SKA3: variants seen among roughly 807,000 people sequenced by gnomAD.
SKA3 encodes spindle and kinetochore-associated protein 3.
A neutral mutation model predicts 44.2 loss-of-function variants in SKA3; 39 were observed. The ratio of observed to expected loss-of-function variants is 0.88; its 90% CI spans 0.68 to 1.15. The LOEUF is 1.15. Ranked by LOEUF, SKA3 falls within the 50% of genes most tolerant of loss-of-function variation. The pLI is 0.00. For synonymous variants in SKA3, 192 were observed against 172.0 expected, an observed-to-expected ratio of 1.12 and a Z score of -0.91; for missense variants, 511 against 485.8, an observed-to-expected ratio of 1.05 and a Z score of -0.49.
chr13:21,163,166 G>A (rs888135510), intron 4 of SKA3, among the ~76,000 whole-genome samples: 9 of 151,716 alleles, frequency 5.9e-5, no homozygotes, highest in Admixed American at 1.3e-4. Flanking sequence ...AAATTGGAAA[G>A]AACCAAAATA....
intron 3 of SKA3, among the ~76,000 whole-genome samples, chr13:21,171,142 T>C (rs1345482294): frequency 6.6e-6 from 1 of 152,098 alleles, no homozygotes; most frequent in Non-Finnish European, 1.5e-5. Flanking sequence ...TATGTAGCCC[T>C]GGCCTCAAGT....
chr13:21,172,146 T>C (rs7323930), intron 3 of SKA3, 193 bp downstream of exon 3: 345,288 of 369,288 alleles, frequency 0.94, 162,025 homozygotes, highest in East Asian at 1. Flanking sequence ...CAAGGACTGT[T>C]TTTATATTAC....
chr13:21,173,413 C>A (rs888490788), intron 1 of SKA3, among the ~76,000 whole-genome samples: 2 of 152,194 alleles, frequency 1.3e-5, no homozygotes, highest in Non-Finnish European at 2.9e-5. Context: ...TGCGCCACTA[C>A]ATCTGGCTAG....
At chr13:21,167,859 T>A (rs1870801984) in intron 4 of SKA3, 129 bp downstream of exon 4, 1 of 639,030 alleles carries the variant, frequency 1.6e-6, no homozygotes, top group South Asian at 4.7e-5. Flanking sequence ...ATAAAATAAA[T>A]AAATAAATAT....
At chr13:21,160,071 T>C in intron 5 of SKA3, 84 bp from the exon 6 acceptor site, 1 of 966,926 alleles carries the variant, frequency 1.0e-6, no homozygotes, top group Non-Finnish European at 1.5e-6. Context: ...TATTTACATA[T>C]GTAATTATCA....
At chr13:21,155,246 A>G in intron 8 of SKA3, 96 bp from the exon 9 acceptor site, 1 of 899,820 alleles carries the variant, frequency 1.1e-6, no homozygotes, top group South Asian at 2.0e-5. Context: ...TACACTTATA[A>G]AATAATTGAG....
intron 7 of SKA3, 101 bp downstream of exon 7, chr13:21,157,821 A>G: frequency 1.2e-6 from 1 of 807,484 alleles, no homozygotes; most frequent in Non-Finnish European, 1.9e-6. Context: ...ACACTAGCCC[A>G]ATGATAAATA....
In SKA3 at chr13:21,176,486, CA is replaced by C; in HGVS notation, c.-10del. On this transcript the variant is annotated 5_prime_UTR_variant, in exon 1 of 9. Coordinates refer to ENST00000314759, the MANE Select transcript of SKA3 (RefSeq NM_145061.6). ...CTCCGGATAGGGTCCATGCTGAGCACAGCGGGGAAGGACTCCAGGCGTACGC... is the reference window on the plus strand; with the variant it reads ...CTCCGGATAGGGTCCATGCTGAGCACGCGGGGAAGGACTCCAGGCGTACGC... 1 of 1,520,098 alleles carries C rather than the reference CA, an allele frequency of 6.6e-7. No homozygotes were observed. The highest frequency in any genetic ancestry group is 8.8e-7 in the Non-Finnish European group (1 of 1,130,212). 94.2% of individuals were successfully genotyped at this position (1,520,098 alleles called of 1,614,324 possible).
At chr13:21,175,826 G>C (rs1871473750) in intron 1 of SKA3, among the ~76,000 whole-genome samples, 1 of 152,100 alleles carries the variant, frequency 6.6e-6, no homozygotes. Context: ...TTGGCAACAT[G>C]GTTTAGCGGG....
rs1284147021 is a variant in SKA3 at position 21,174,752 on chromosome 13, A to G, written c.103+1623T>C. ...ATAATAATTTTAAAAAAAGAAAAAA[A>G]AAGTGCGTACTGCTCCAACAACAAC... On this transcript the variant is annotated intron_variant, in intron 1 of 8. Coordinates refer to ENST00000314759, the MANE Select transcript of SKA3 (RefSeq NM_145061.6). Among the ~76,000 whole-genome samples the G allele has an allele frequency of 3.2e-5, 4 of 124,844 alleles. No individual in the cohort carries two copies. The East Asian group carries it at 7.4e-4, about 23-fold the overall frequency. 81.9% of individuals were successfully genotyped at this position (124,844 alleles called of 152,430 possible). A position where few individuals can be genotyped will look rare whatever the true frequency, so the allele number is the denominator to read the frequency against.
chr13:21,171,640 T>C (rs1013348972), intron 3 of SKA3, among the ~76,000 whole-genome samples: 2 of 152,152 alleles, frequency 1.3e-5, no homozygotes, highest in African/African-American at 2.4e-5. Context: ...AGTTAATAAT[T>C]AATCTTGGGT....
At chr13:21,167,634 G>A (rs1595302767) in intron 4 of SKA3, among the ~76,000 whole-genome samples, 1 of 151,960 alleles carries the variant, frequency 6.6e-6, no homozygotes, top group East Asian at 1.9e-4. Flanking sequence ...AGGCGTGGTG[G>A]CTGGCGCCTG....
chr13:21,161,516 C>T (rs1181618948), intron 5 of SKA3, among the ~76,000 whole-genome samples: 1 of 152,146 alleles, frequency 6.6e-6, no homozygotes, highest in Non-Finnish European at 1.5e-5. Context: ...TAAGGCTCTA[C>T]ATCAAAATAT....
At position 21,158,091 on chromosome 13, in the gene SKA3, C is replaced by G; in HGVS notation, c.950G>C (p.Ser317Thr). Residue 317 changes from serine to threonine, a missense_variant, in exon 7 of 9, where the codon AGT becomes ACT. Transcript: ENST00000314759. ...STNYPLSKTN[S>T]SSNDLEVEDR... ...TTCAACTTCCAAATCATTTGATGAACTATTTGTTTTTGATAATGGGTAATT... is the reference window on the plus strand; with the variant it reads ...TTCAACTTCCAAATCATTTGATGAAGTATTTGTTTTTGATAATGGGTAATT... 6.2e-7 allele frequency: 1 copy of G among 1,611,850 alleles called. No individual in the cohort carries two copies. The highest frequency in any genetic ancestry group is 8.5e-7 in the Non-Finnish European group (1 of 1,178,150).
chr13:21,165,380 C>T (rs376349313), intron 4 of SKA3, among the ~76,000 whole-genome samples: 2 of 152,096 alleles, frequency 1.3e-5, no homozygotes, highest in South Asian at 2.1e-4. Flanking sequence ...TATGATGATG[C>T]CTCTGCACTC....
chr13:21,168,419 T>C lies in SKA3; in HGVS notation c.332-20A>G, dbSNP rs756358665. The C allele has an allele frequency of 2.6e-6, 4 of 1,534,826 alleles. No homozygotes were observed. In the East Asian group the frequency reaches 6.9e-5, roughly 26 times the overall value. On this transcript the variant is annotated intron_variant, in intron 3 of 8. Transcript: ENST00000314759. Reference sequence around the variant, plus strand: ...CGTGTACTAGGAGGAAAAATCAGAATATTCTGGTCAAACTCAAAATGGAAA... The same window carrying C: ...CGTGTACTAGGAGGAAAAATCAGAACATTCTGGTCAAACTCAAAATGGAAA...
intron 3 of SKA3, among the ~76,000 whole-genome samples, chr13:21,169,869 C>T (rs1271601246): frequency 6.6e-6 from 1 of 152,146 alleles, no homozygotes; most frequent in Non-Finnish European, 1.5e-5. Context: ...AACTCCTGGG[C>T]TCAAGTGATC....
intron 8 of SKA3, among the ~76,000 whole-genome samples, chr13:21,155,430 T>C (rs1015261442): frequency 1.3e-5 from 2 of 149,502 alleles, no homozygotes; most frequent in African/African-American, 4.9e-5. Context: ...TTTTTTTAGA[T>C]GGAGTCTCGC....
intron 6 of SKA3, among the ~76,000 whole-genome samples, chr13:21,158,388 C>T (rs956447105): frequency 3.3e-5 from 5 of 151,852 alleles, no homozygotes; most frequent in African/African-American, 7.2e-5. Context: ...TTTGGGAGGC[C>T]GAGGTGGGCC....
Sources: allele counts gnomAD v4.1 joint callset (sites outside exome capture counted in the v4.1 genomes callset), GRCh38; gene constraint gnomAD v4.1.1; transcripts MANE v1.5; gene names NCBI Gene and HGNC (gene_info 2026-07-23, HGNC 2026-07-21).